Variants in MCF2L observed in about 807,000 individuals in gnomAD.
MCF2L encodes guanine nucleotide exchange factor DBS.
Under a neutral mutation model 153.4 loss-of-function variants are expected in MCF2L, and 97 were observed. That is an observed-to-expected ratio of 0.63 (90% CI 0.54 to 0.75). MCF2L has a LOEUF of 0.75. Among genes scored for constraint, MCF2L ranks in the 30% least tolerant of loss-of-function variants. The probability of loss-of-function intolerance (pLI) is 0.00; values close to 1 mark genes in which losing one functional copy is unlikely to be tolerated. For synonymous variants in MCF2L, 659 were observed against 632.2 expected, an observed-to-expected ratio of 1.04 and a Z score of -0.64; for missense variants, 1,347 against 1,495.2, an observed-to-expected ratio of 0.90 and a Z score of 1.64.
At position 113,096,875 on chromosome 13, in the gene MCF2L, G is replaced by C; in HGVS notation, c.*16G>C. 1 of 1,400,512 alleles carries C rather than the reference G, an allele frequency of 7.1e-7. No individual in the cohort carries two copies. The highest frequency in any genetic ancestry group is 9.2e-7 in the Non-Finnish European group (1 of 1,083,710). The allele number at this position is 1,400,512 out of a possible 1,614,324, so 86.8% of individuals were successfully genotyped here. On this transcript the variant is annotated 3_prime_UTR_variant, in exon 30 of 30. Transcript: ENST00000535094. The stretch of plus-strand genomic sequence containing the variant: ...GCAGGGGTAGCGCGGCCTCGGCGCC[G>C]GAGACCCGCGCGCTGTCTGGGGCTG...
chr13:112,981,704 G>A (rs999680325), intron 1 of MCF2L, among the ~76,000 whole-genome samples: 3 of 152,222 alleles, frequency 2.0e-5, no homozygotes, highest in East Asian at 1.9e-4. Context: ...GCAGGGGGAC[G>A]CATAGCCCAG....
At chr13:112,895,267 C>G (rs996105443) in intron 1 of MCF2L, among the ~76,000 whole-genome samples, 19 of 152,106 alleles carry the variant, frequency 1.2e-4, no homozygotes, top group Non-Finnish European at 2.6e-4. Context: ...AGGGGCGTGG[C>G]CCGCATGACC....
intron 2 of MCF2L, chr13:112,956,138 G>C (rs974773496): frequency 6.6e-6 from 1 of 152,480 alleles, no homozygotes; most frequent in African/African-American, 2.4e-5. Flanking sequence ...TGGCCTGGGA[G>C]GGCATCCCTG....
chr13:113,016,169 T>G (rs1450128860), intron 2 of MCF2L, among the ~76,000 whole-genome samples: 2 of 152,184 alleles, frequency 1.3e-5, no homozygotes, highest in Non-Finnish European at 2.9e-5. Flanking sequence ...GCAGATGAAT[T>G]TAAGGCCCCA....
chr13:113,047,557 G>C (rs138731004), intron 4 of MCF2L, among the ~76,000 whole-genome samples: 2 of 152,244 alleles, frequency 1.3e-5, no homozygotes, highest in African/African-American at 4.8e-5. Context: ...CGTTACAGCC[G>C]CATCTTTTAT....
intron 2 of MCF2L, among the ~76,000 whole-genome samples, chr13:112,964,002 G>A (rs1459437129): frequency 1.3e-5 from 2 of 152,212 alleles, no homozygotes; most frequent in East Asian, 3.9e-4. Flanking sequence ...GCTGTGGATG[G>A]GGTTCTGACA....
chr13:112,995,767 C>T (rs936487867), intron 1 of MCF2L, among the ~76,000 whole-genome samples: 2 of 152,134 alleles, frequency 1.3e-5, no homozygotes, highest in African/African-American at 2.4e-5. Flanking sequence ...TGTGCCCTCT[C>T]CCCCAGACTC....
intron 2 of MCF2L, among the ~76,000 whole-genome samples, chr13:112,935,361 G>A (rs574794710): frequency 2.1e-4 from 32 of 152,206 alleles, no homozygotes; most frequent in Middle Eastern, 6.8e-3. Flanking sequence ...GGGTTCCAGC[G>A]ATTCTCCTGC....
intron 2 of MCF2L, among the ~76,000 whole-genome samples, chr13:112,939,794 A>G (rs2081556898): frequency 6.6e-6 from 1 of 152,202 alleles, no homozygotes; most frequent in Non-Finnish European, 1.5e-5. Flanking sequence ...CCGGGCCAAC[A>G]TGATGAAACC....
chr13:113,034,838 C>G (rs2086048015), intron 3 of MCF2L, among the ~76,000 whole-genome samples: 1 of 152,226 alleles, frequency 6.6e-6, no homozygotes, highest in South Asian at 2.1e-4. Flanking sequence ...AGGTTAGGGG[C>G]TGCTGTGGCC....
intron 1 of MCF2L, among the ~76,000 whole-genome samples, chr13:112,895,150 G>C (rs1053902803): frequency 6.6e-6 from 1 of 152,178 alleles, no homozygotes; most frequent in Non-Finnish European, 1.5e-5. Context: ...TCTCCCAGCT[G>C]TGGGCCCCTG....
At chr13:112,977,113 G>A (rs919515277) in intron 1 of MCF2L, among the ~76,000 whole-genome samples, 1 of 152,160 alleles carries the variant, frequency 6.6e-6, no homozygotes, top group Non-Finnish European at 1.5e-5. Flanking sequence ...ATTTAAGACC[G>A]GCCCTAAACA....
chr13:112,902,726 G>T (rs1322042521), intron 2 of MCF2L, among the ~76,000 whole-genome samples: 2 of 152,212 alleles, frequency 1.3e-5, no homozygotes, highest in Non-Finnish European at 2.9e-5. Context: ...CAATTTGTAG[G>T]CTTTGCTTCA....
chr13:113,064,186 C>T lies in MCF2L; in HGVS notation c.490-118C>T, dbSNP rs940310199. ...AGGTGCCCCCACCCACACAGCCGCC[C>T]GCAGCATCCAGGCAGACGTGGTCCT... On this transcript the variant is annotated intron_variant, in intron 5 of 29. Coordinates refer to ENST00000535094, the MANE Select transcript of MCF2L (RefSeq NM_001112732.3). This position sits in a 1 kb window ranked among gnomAD's most constrained non-coding sequence, Gnocchi z 6.0. The T allele has an allele frequency of 5.4e-5, 42 of 782,672 alleles. 1 individual carries two copies. Among genetic ancestry groups the T allele is most frequent in the South Asian group, 1.6e-4 (11 of 67,180 alleles). 48.5% of individuals were successfully genotyped at this position (782,672 alleles called of 1,614,324 possible).
chr13:112,903,232 A>G (rs1231252597), intron 2 of MCF2L, among the ~76,000 whole-genome samples: 1 of 152,174 alleles, frequency 6.6e-6, no homozygotes, highest in African/African-American at 2.4e-5. Flanking sequence ...AGGGATTTTG[A>G]TAATTCTGCT....
chr13:113,032,170 G>A (rs1199952591), intron 3 of MCF2L, among the ~76,000 whole-genome samples: 2 of 152,118 alleles, frequency 1.3e-5, no homozygotes, highest in African/African-American at 2.4e-5. Context: ...TCGGTTTGTC[G>A]TCCCCCTGCG....
At chr13:113,022,675 G>A (rs186950527) in intron 2 of MCF2L, among the ~76,000 whole-genome samples, 76 of 152,356 alleles carry the variant, frequency 5.0e-4, no homozygotes, top group Admixed American at 1.0e-3. Context: ...CTTTAATGGC[G>A]ACTGAAAAGT....
Position 112,932,773 on chromosome 13 carries a change from G to A in MCF2L, c.169+30402G>A, listed in dbSNP as rs1396159452. On this transcript the variant is annotated intron_variant, in intron 2 of 29. Coordinates refer to the MCF2L transcript ENST00000375608. This position sits in a 1 kb window ranked among gnomAD's most constrained non-coding sequence, Gnocchi z 4.6. ...TGGCTGGGTGCGGTGGCTGGCACCT[G>A]TAATCCCAGCACTTTGGGAGGTCAA... Among the ~76,000 whole-genome samples, 2 of 152,198 alleles carry A rather than the reference G, an allele frequency of 1.3e-5. No individual in the cohort carries two copies. The highest frequency in any genetic ancestry group is 4.8e-5 in the African/African-American group (2 of 41,446).
At chr13:113,029,137 T>G (rs1407213521) in intron 3 of MCF2L, among the ~76,000 whole-genome samples, 2 of 152,128 alleles carry the variant, frequency 1.3e-5, no homozygotes, top group Non-Finnish European at 2.9e-5. Flanking sequence ...CTGTGTGAAT[T>G]TGGGAGGACG....
Sources: allele counts gnomAD v4.1 joint callset (sites outside exome capture counted in the v4.1 genomes callset), GRCh38; gene constraint gnomAD v4.1.1; non-coding constraint Gnocchi (gnomAD v3.1); transcripts MANE v1.5; gene names NCBI Gene and HGNC (gene_info 2026-07-23, HGNC 2026-07-21).